The following TXNDC16 variants were observed in gnomAD, a reference collection of about 807,000 sequenced individuals.
TXNDC16 encodes the protein thioredoxin domain containing 16, also known as thioredoxin domain-containing protein 16.
A neutral mutation model predicts 85.6 loss-of-function variants in TXNDC16; 74 were observed. The ratio of observed to expected loss-of-function variants is 0.86; its 90% CI spans 0.72 to 1.05. TXNDC16 has a LOEUF of 1.05. TXNDC16 is among the 50% of genes least tolerant of loss of function. The pLI is 0.00. For missense variants in TXNDC16, 959 were observed against 947.0 expected (o/e 1.01, Z -0.17); for synonymous variants, 335 against 326.5 (o/e 1.03, Z -0.28).
Position 52,490,936 on chromosome 14 carries a change from T to G in TXNDC16, c.826A>C (p.Ile276Leu), listed in dbSNP as rs145746773. 9 of 1,591,626 alleles carry G rather than the reference T, an allele frequency of 5.7e-6. No homozygotes were observed. In the African/African-American group the frequency reaches 1.3e-4, roughly 23 times the overall value. The change falls in exon 10 of 21, where the codon ATT (isoleucine) becomes CTT (leucine). Residue 276 changes from isoleucine (I) to leucine (L), a missense_variant. Coordinates refer to ENST00000281741, the MANE Select transcript of TXNDC16 (RefSeq NM_020784.3). ...TCATAAGTAGCCTGTTGGCTAACAA[T>G]AAAAACCAGTGGTAAGCCCAGTTGG... ...HLQLGLPLVF[I>L]VSQQATYEAD...
intron 18 of TXNDC16, among the ~76,000 whole-genome samples, chr14:52,453,619 TAAAAC>T (rs2035461816): frequency 1.3e-5 from 2 of 152,198 alleles, no homozygotes; most frequent in Admixed American, 6.5e-5. Flanking sequence ...CTGTGGGAGC[TAAAAC>T]TTAAAACAAT....
At chr14:52,457,316 A>G (rs2035557972) in intron 16 of TXNDC16, 142 bp from the exon 17 acceptor site, 2 of 492,012 alleles carry the variant, frequency 4.1e-6, no homozygotes, top group Non-Finnish European at 7.0e-6. Flanking sequence ...TATATAATTT[A>G]GTGGTTCCAA....
intron 18 of TXNDC16, among the ~76,000 whole-genome samples, chr14:52,448,679 T>A (rs1361142799): frequency 2.6e-5 from 4 of 152,186 alleles, no homozygotes; most frequent in African/African-American, 9.6e-5. Context: ...TACTCTTAAG[T>A]AGAAAGACTA....
chr14:52,530,003 ATATATAT>A (rs1304416652), intron 6 of TXNDC16, among the ~76,000 whole-genome samples: 1 of 104,674 alleles, frequency 9.6e-6, no homozygotes, highest in Non-Finnish European at 1.7e-5. Context: ...CATATATATA[ATATATAT>A]TATATATTAT....
At chr14:52,458,821 T>A (rs2035591923) in intron 16 of TXNDC16, among the ~76,000 whole-genome samples, 1 of 152,188 alleles carries the variant, frequency 6.6e-6, no homozygotes, top group Admixed American at 6.5e-5. Context: ...AATTTCCTCA[T>A]ACAAAAGACT....
At chr14:52,434,082 G>A (rs781373) in intron 20 of TXNDC16, among the ~76,000 whole-genome samples, 15,851 of 152,100 alleles carry the variant, frequency 0.1, 1,002 homozygotes, top group East Asian at 0.18. Context: ...CCAGCTACTC[G>A]GGAGGTTGAG....
chr14:52,530,586 A>G (rs368288150), intron 6 of TXNDC16, among the ~76,000 whole-genome samples: 1 of 35,266 alleles, frequency 2.8e-5, no homozygotes, highest in East Asian at 8.2e-4. Context: ...TAATTATTAT[A>G]TATAATATAT....
At chr14:52,551,504 G>GGAT (rs1013928352) in intron 1 of TXNDC16, among the ~76,000 whole-genome samples, 11 of 150,544 alleles carry the variant, frequency 7.3e-5, no homozygotes, top group African/African-American at 2.7e-4. Context: ...ATAGGACAAA[G>GGAT]GATGGTGAGG....
Position 52,511,240 on chromosome 14 carries a change from C to A in TXNDC16, c.756G>T (p.Leu252Phe). 11 of 1,557,564 alleles carry A rather than the reference C, an allele frequency of 7.1e-6. No homozygotes were observed. Among genetic ancestry groups the A allele is most frequent in the Non-Finnish European group, 9.6e-6 (11 of 1,146,548 alleles). ...LFIKTMKAPLLTEVAEDPQQV... is the reference protein window; with the variant it reads ...LFIKTMKAPLFTEVAEDPQQV... ...TAAAAATATAAAATAAGACACATAC[C>A]AACAGAGGTGCTTTCATTGTCTTAA... The change falls in exon 9 of 21, where the codon TTG becomes TTT. Residue 252 changes from leucine to phenylalanine, a missense_variant and splice_region_variant. By Grantham distance (22) the Leu-to-Phe change is conservative. Coordinates refer to ENST00000281741, the MANE Select transcript of TXNDC16 (RefSeq NM_020784.3).
chr14:52,530,258 T>TTATTATATA (rs1555342440), intron 6 of TXNDC16, among the ~76,000 whole-genome samples: 1 of 59,426 alleles, frequency 1.7e-5, no homozygotes, highest in African/African-American at 7.0e-5. Context: ...ATATATATTA[T>TTATTATATA]ATAATATATA....
chr14:52,439,250 A>G lies in TXNDC16; in HGVS notation c.2148T>C (p.Leu716=). The change falls in exon 20 of 21, where the codon CTT becomes CTC. Residue 716 remains leucine (L), a synonymous_variant. Coordinates refer to ENST00000281741, the MANE Select transcript of TXNDC16 (RefSeq NM_020784.3). The part of the protein sequence containing the change: ...PSDQAIIEEN[L]VLWLKKLEAG... The stretch of plus-strand genomic sequence containing the variant: ...CTTCTAATTTCTTCAGCCACAATAC[A>G]AGGTTTTCTTCAATTATAGCCTGGT... 1 of 1,614,078 alleles carries G rather than the reference A, an allele frequency of 6.2e-7. No homozygotes were observed. Among genetic ancestry groups the G allele is most frequent in the Non-Finnish European group, 8.5e-7 (1 of 1,179,996 alleles).
Position 52,432,278 on chromosome 14 carries a change from AT to A in TXNDC16, c.*25del. On this transcript the variant is annotated 3_prime_UTR_variant, in exon 21 of 21. Coordinates refer to ENST00000281741, the MANE Select transcript of TXNDC16 (RefSeq NM_020784.3). ...AAATTAAGTCTATCATGCCAAAAAAATTTTGGAAACCACAGCCCTATAAAAT... is the reference window on the plus strand; with the variant it reads ...AAATTAAGTCTATCATGCCAAAAAAATTTGGAAACCACAGCCCTATAAAAT... 1 of 1,548,390 alleles carries A rather than the reference AT, an allele frequency of 6.5e-7. No individual in the cohort carries two copies. The highest frequency in any genetic ancestry group is 1.3e-5 in the South Asian group (1 of 79,104).
chr14:52,462,597 A>G (rs536329495), intron 16 of TXNDC16, among the ~76,000 whole-genome samples: 1 of 152,218 alleles, frequency 6.6e-6, no homozygotes. Context: ...CTGGGATTAT[A>G]GGCATGTGGA....
At chr14:52,480,977 A>ATATATATATATATATATATG (rs1182368762) in intron 14 of TXNDC16, among the ~76,000 whole-genome samples, 105 of 14,346 alleles carry the variant, frequency 7.3e-3, no homozygotes, top group African/African-American at 0.043. Flanking sequence ...ATATATATGT[A>ATATATATATATATATATATG]TATATATATA....
chr14:52,504,068 C>T (rs545345200), intron 9 of TXNDC16, among the ~76,000 whole-genome samples: 40 of 152,198 alleles, frequency 2.6e-4, no homozygotes, highest in Middle Eastern at 3.4e-3. Context: ...TATGGGACTA[C>T]GTGAAAAGAC....
chr14:52,512,629 A>G (rs1023422757), intron 8 of TXNDC16, among the ~76,000 whole-genome samples: 1 of 152,212 alleles, frequency 6.6e-6, no homozygotes, highest in African/African-American at 2.4e-5. Context: ...AAATTATTTT[A>G]TCAGGGATCA....
At chr14:52,458,923 C>T (rs2035594084) in intron 16 of TXNDC16, among the ~76,000 whole-genome samples, 1 of 152,122 alleles carries the variant, frequency 6.6e-6, no homozygotes, top group African/African-American at 2.4e-5. Flanking sequence ...AAATATATGA[C>T]TGTAGATCTC....
chr14:52,441,451 G>A (rs1221677293), intron 18 of TXNDC16, among the ~76,000 whole-genome samples: 2 of 151,792 alleles, frequency 1.3e-5, no homozygotes, highest in Non-Finnish European at 2.9e-5. Flanking sequence ...TCTAATAAAA[G>A]TACAAAAATT....
At chr14:52,519,508 A>G (rs1257765184) in intron 6 of TXNDC16, among the ~76,000 whole-genome samples, 2 of 152,218 alleles carry the variant, frequency 1.3e-5, no homozygotes, top group Admixed American at 6.5e-5. Flanking sequence ...TTGTGAGACA[A>G]TGTTCATTAT....
Sources: allele counts gnomAD v4.1 joint callset (sites outside exome capture counted in the v4.1 genomes callset), GRCh38; gene constraint gnomAD v4.1.1; transcripts MANE v1.5; gene names NCBI Gene and HGNC (gene_info 2026-07-23, HGNC 2026-07-21).